SYCP2L: variants seen among roughly 807,000 people sequenced by gnomAD.
SYCP2L encodes the protein synaptonemal complex protein 2-like.
A neutral mutation model predicts 125.8 loss-of-function variants in SYCP2L; 98 were observed. The ratio of observed to expected loss-of-function variants is 0.78; its 90% CI spans 0.66 to 0.92. SYCP2L has a LOEUF of 0.92. Among genes scored for constraint, SYCP2L ranks in the 40% least tolerant of loss-of-function variants. SYCP2L has a pLI of 0.00. For synonymous variants in SYCP2L, 317 were observed against 325.4 expected, an observed-to-expected ratio of 0.97 and a Z score of 0.28; for missense variants, 842 against 936.4, an observed-to-expected ratio of 0.90 and a Z score of 1.32.
intron 24 of SYCP2L, among the ~76,000 whole-genome samples, chr6:10,955,612 G>A (rs1043293852): frequency 3.3e-5 from 5 of 152,120 alleles, no homozygotes; most frequent in Admixed American, 6.5e-5. Flanking sequence ...ATGGTACCAT[G>A]CATTTTGAAA....
chr6:10,926,836 G>C (rs1201309166), intron 16 of SYCP2L, among the ~76,000 whole-genome samples: 1 of 149,572 alleles, frequency 6.7e-6, no homozygotes, highest in African/African-American at 2.5e-5. Flanking sequence ...CTGGAGTGCA[G>C]TGGCACGATC....
chr6:10,938,208 C>T (rs1056983368), intron 21 of SYCP2L, among the ~76,000 whole-genome samples: 2 of 152,138 alleles, frequency 1.3e-5, no homozygotes, highest in African/African-American at 4.8e-5. Flanking sequence ...AAGGACTATA[C>T]ACCATGTTAA....
Position 10,887,112 on chromosome 6 carries a change from CGAA to C in SYCP2L, c.-10_-8del, listed in dbSNP as rs758219884. 3 of 1,614,122 alleles carry C rather than the reference CGAA, an allele frequency of 1.9e-6. No homozygotes were observed. The South Asian group carries it at 3.3e-5, about 18-fold the overall frequency. ...GCTGAGCGGCGCGTCGCTTCAGGAACGAAGAAGCCTCGTTATGCAAGCGGTGAG... is the reference window on the plus strand; with the variant it reads ...GCTGAGCGGCGCGTCGCTTCAGGAACGAAGCCTCGTTATGCAAGCGGTGAG... On this transcript the variant is annotated 5_prime_UTR_variant, in exon 1 of 30. Coordinates refer to ENST00000283141, the MANE Select transcript of SYCP2L (RefSeq NM_001040274.3).
rs1781546740 is a variant in SYCP2L at position 10,958,798 on chromosome 6, G to A, written c.2178G>A (p.Lys726=). ...RKRKYELRYR[K]RPFNSENAKK... is the part of the protein sequence containing the mutation. ...TTATGATTTAGCTTAGGTACAGAAA[G>A]CGTCCGTTTAATTCAGAAAATGCAA... The change falls in exon 26 of 30, where the codon AAG becomes AAA. Residue 726 remains lysine, a synonymous_variant. Coordinates refer to ENST00000283141, the MANE Select transcript of SYCP2L (RefSeq NM_001040274.3). 6.2e-7 allele frequency: 1 copy of A among 1,613,348 alleles called. No individual in the cohort carries two copies. Among genetic ancestry groups the A allele is most frequent in the Non-Finnish European group, 8.5e-7 (1 of 1,179,798 alleles).
At chr6:10,959,188 A>G (rs1157266392) in intron 26 of SYCP2L, among the ~76,000 whole-genome samples, 2 of 152,278 alleles carry the variant, frequency 1.3e-5, no homozygotes, top group Non-Finnish European at 2.9e-5. Flanking sequence ...GAAATATGCT[A>G]TATCCATACA....
chr6:10,954,202 A>C lies in SYCP2L; in HGVS notation c.1955-914A>C, dbSNP rs1252440720. Among the ~76,000 whole-genome samples the C allele has an allele frequency of 6.6e-6, 1 of 152,250 alleles. No homozygotes were observed. The highest frequency in any genetic ancestry group is 1.5e-5 in the Non-Finnish European group (1 of 68,046). On this transcript the variant is annotated intron_variant, in intron 23 of 29. Transcript: ENST00000283141. The surrounding 1 kb of genome is among the most constrained non-coding windows in gnomAD (Gnocchi z 4.8). ...GACAAAAGAGAAGTCAGATGATGTCACAACTAAAGGTACAGTGCGGGGGAG... is the reference window on the plus strand; with the variant it reads ...GACAAAAGAGAAGTCAGATGATGTCCCAACTAAAGGTACAGTGCGGGGGAG...
At chr6:10,898,246 G>T in intron 5 of SYCP2L, 131 bp downstream of exon 5, 1 of 673,042 alleles carries the variant, frequency 1.5e-6, no homozygotes, top group African/African-American at 1.8e-5. Context: ...TGGGCGTGAT[G>T]GTTCACACCT....
chr6:10,890,600 G>A (rs1293575076), intron 1 of SYCP2L, among the ~76,000 whole-genome samples: 1 of 152,212 alleles, frequency 6.6e-6, no homozygotes, highest in Non-Finnish European at 1.5e-5. Context: ...TTAATGGCTT[G>A]TTGGATGCAT....
intron 4 of SYCP2L, among the ~76,000 whole-genome samples, chr6:10,896,593 A>G (rs1032254029): frequency 6.6e-5 from 10 of 152,232 alleles, no homozygotes; most frequent in African/African-American, 2.4e-4. Context: ...TTCTTGTGCT[A>G]TTGGAGCAAA....
chr6:10,955,300 G>GGA, intron 24 of SYCP2L, 83 bp downstream of exon 24: 1 of 849,332 alleles, frequency 1.2e-6, no homozygotes, highest in Non-Finnish European at 1.9e-6. Flanking sequence ...GAATCACAAG[G>GGA]GAGGTATAGT....
chr6:10,904,358 C>T (rs1233083399), intron 8 of SYCP2L, among the ~76,000 whole-genome samples: 9 of 152,184 alleles, frequency 5.9e-5, no homozygotes, highest in Middle Eastern at 3.2e-3. Flanking sequence ...CCAGCCAGCG[C>T]GGAGGACATC....
chr6:10,932,991 T>C (rs1781024535), intron 20 of SYCP2L, among the ~76,000 whole-genome samples: 1 of 152,222 alleles, frequency 6.6e-6, no homozygotes, highest in African/African-American at 2.4e-5. Flanking sequence ...TGATCTCAAG[T>C]GATCCACCTG....
chr6:10,923,749 T>C (rs1488699536), intron 14 of SYCP2L, among the ~76,000 whole-genome samples: 3 of 148,816 alleles, frequency 2.0e-5, no homozygotes, highest in Admixed American at 6.8e-5. Context: ...AGTGGCACGA[T>C]CTCGGCTCAC....
intron 21 of SYCP2L, among the ~76,000 whole-genome samples, chr6:10,939,521 G>C (rs1781174305): frequency 6.6e-6 from 1 of 152,176 alleles, no homozygotes; most frequent in Non-Finnish European, 1.5e-5. Context: ...CTGCCATAGA[G>C]ACAGGCACAT....
chr6:10,932,635 T>G (rs1781015628), intron 20 of SYCP2L, among the ~76,000 whole-genome samples: 1 of 152,232 alleles, frequency 6.6e-6, no homozygotes, highest in African/African-American at 2.4e-5. Context: ...GAGTAAGTAT[T>G]TATTCATTGA....
chr6:10,896,637 A>G lies in SYCP2L; in HGVS notation c.337-1374A>G, dbSNP rs144269653. On this transcript the variant is annotated intron_variant, in intron 4 of 29. Transcript: ENST00000283141. Reference sequence around the variant, plus strand: ...CAGCAGGTGGATGATTCAATCTAGTATAAGTATTTGTCTGATTTGAGACAA... The same window carrying G: ...CAGCAGGTGGATGATTCAATCTAGTGTAAGTATTTGTCTGATTTGAGACAA... Among the ~76,000 whole-genome samples the G allele has an allele frequency of 7.7e-4, 117 of 152,330 alleles. 1 individual carries two copies. The East Asian group carries it at 9.8e-3, about 13-fold the overall frequency.
chr6:10,890,373 T>C (rs965008336), intron 1 of SYCP2L, among the ~76,000 whole-genome samples: 2 of 152,220 alleles, frequency 1.3e-5, no homozygotes, highest in African/African-American at 4.8e-5. Flanking sequence ...TTGTTTTTTG[T>C]CTTGATAATG....
chr6:10,893,700 A>G (rs1356366148), intron 2 of SYCP2L, among the ~76,000 whole-genome samples, 167 bp from the exon 3 acceptor site: 1 of 152,206 alleles, frequency 6.6e-6, no homozygotes, highest in East Asian at 1.9e-4. Flanking sequence ...CGGAAACATC[A>G]ATCATTTGTG....
chr6:10,947,897 C>G (rs941519938), intron 23 of SYCP2L, among the ~76,000 whole-genome samples: 2 of 151,920 alleles, frequency 1.3e-5, no homozygotes, highest in African/African-American at 4.8e-5. Flanking sequence ...TGAATTTTTA[C>G]CAGGTTAAAG....
Sources: allele counts gnomAD v4.1 joint callset (sites outside exome capture counted in the v4.1 genomes callset), GRCh38; gene constraint gnomAD v4.1.1; non-coding constraint Gnocchi (gnomAD v3.1); transcripts MANE v1.5; gene names NCBI Gene and HGNC (gene_info 2026-07-23, HGNC 2026-07-21).